NYAP2: variants seen among roughly 807,000 people sequenced by gnomAD.
NYAP2 encodes neuronal tyrosine-phosphorylated phosphoinositide-3-kinase adapter 2.
NYAP2 carries 23 observed loss-of-function variants against 50.4 expected under a neutral mutation model. The observed-to-expected ratio is 0.46, with a 90% confidence interval of 0.33 to 0.65. The LOEUF (loss-of-function observed/expected upper bound fraction) is 0.65, where lower values mean the gene tolerates loss of function less well. Among genes scored for constraint, NYAP2 ranks in the 30% least tolerant of loss-of-function variants. The pLI, the probability that NYAP2 is intolerant of heterozygous loss-of-function variation, is 0.02. For missense variants in NYAP2, 885 were observed against 861.0 expected, an observed-to-expected ratio of 1.03 and a Z score of -0.35; for synonymous variants, 394 against 365.2, an observed-to-expected ratio of 1.08 and a Z score of -0.90.
chr2:225,621,932 G>C (rs1693111269), intron 5 of NYAP2, among the ~76,000 whole-genome samples: 1 of 152,064 alleles, frequency 6.6e-6, no homozygotes, highest in Non-Finnish European at 1.5e-5. Flanking sequence ...ATGTTGTGTT[G>C]ACCCAGTCAT....
At chr2:225,685,217 T>A in the NYAP2 span, among the ~76,000 whole-genome samples, 2 of 152,204 alleles carry the variant, frequency 1.3e-5, no homozygotes, top group African/African-American at 4.8e-5. Context: ...TTTTGCTGGA[T>A]AAACCACATG....
At chr2:225,403,686 C>A (rs891328636) in intron 2 of NYAP2, among the ~76,000 whole-genome samples, 2 of 151,958 alleles carry the variant, frequency 1.3e-5, no homozygotes, top group South Asian at 4.2e-4. Context: ...TGGAGAATAG[C>A]TCCATATCAG....
At chr2:225,681,164 G>C in the NYAP2 span, among the ~76,000 whole-genome samples, 1 of 152,328 alleles carries the variant, frequency 6.6e-6, no homozygotes, top group East Asian at 1.9e-4. Flanking sequence ...GTTGGACAGA[G>C]CTGGGCTCCT....
chr2:225,570,852 T>C (rs559398643), intron 4 of NYAP2, among the ~76,000 whole-genome samples: 1 of 152,308 alleles, frequency 6.6e-6, no homozygotes, highest in South Asian at 2.1e-4. Flanking sequence ...GTCCAAAGTC[T>C]TATCTGAGAC....
chr2:225,588,272 A>G (rs1692422693), intron 5 of NYAP2, among the ~76,000 whole-genome samples: 1 of 152,146 alleles, frequency 6.6e-6, no homozygotes, highest in Non-Finnish European at 1.5e-5. Context: ...AAAATTATAG[A>G]TATAAATGAG....
At chr2:225,468,677 C>T (rs961259962) in intron 3 of NYAP2, among the ~76,000 whole-genome samples, 2 of 152,128 alleles carry the variant, frequency 1.3e-5, no homozygotes, top group Non-Finnish European at 2.9e-5. Context: ...AATTAACCTA[C>T]AGCAATACAC....
exon 7 of NYAP2, chr2:225,651,599 CCT>C: frequency 6.2e-7 from 1 of 1,612,294 alleles, no homozygotes; most frequent in Non-Finnish European, 8.5e-7. Flanking sequence ...ATGCTTCCCA[CCT>C]CTGTCTGTCC....
At chr2:225,465,105 G>A (rs1233385224) in intron 3 of NYAP2, among the ~76,000 whole-genome samples, 1 of 152,100 alleles carries the variant, frequency 6.6e-6, no homozygotes, top group East Asian at 1.9e-4. Context: ...CTGATATAAG[G>A]AAAATAGCAA....
intron 5 of NYAP2, among the ~76,000 whole-genome samples, chr2:225,621,093 G>T (rs1331062732): frequency 6.9e-6 from 1 of 144,150 alleles, no homozygotes; most frequent in Non-Finnish European, 1.5e-5. Flanking sequence ...CAGCCTGGGC[G>T]ACCAGCGAGA....
chr2:225,599,193 A>T (rs906407001), intron 5 of NYAP2, among the ~76,000 whole-genome samples: 1 of 152,198 alleles, frequency 6.6e-6, no homozygotes, highest in African/African-American at 2.4e-5. Context: ...GAATTGTGAG[A>T]TGCTGTGTCA....
downstream of NYAP2, among the ~76,000 whole-genome samples, chr2:225,658,941 T>G (rs1469115840): frequency 6.6e-6 from 1 of 152,218 alleles, no homozygotes; most frequent in Non-Finnish European, 1.5e-5. Flanking sequence ...AGCAGAATAT[T>G]TGTGGGTCAC....
intron 3 of NYAP2, among the ~76,000 whole-genome samples, chr2:225,422,364 T>C (rs1695228904): frequency 6.6e-6 from 1 of 152,206 alleles, no homozygotes; most frequent in Admixed American, 6.5e-5. Context: ...GGTAGATAAA[T>C]TGTTCTCTAA....
At chr2:225,675,639 T>C in the NYAP2 span, among the ~76,000 whole-genome samples, 1 of 152,148 alleles carries the variant, frequency 6.6e-6, no homozygotes, top group Non-Finnish European at 1.5e-5. Flanking sequence ...GAATGAATTG[T>C]TTTCCTGTGG....
intron 5 of NYAP2, among the ~76,000 whole-genome samples, chr2:225,597,090 A>T (rs1353492689): frequency 1.3e-5 from 2 of 152,122 alleles, no homozygotes; most frequent in African/African-American, 2.4e-5. Flanking sequence ...AAAACACAGG[A>T]GTCTAATGTC....
In NYAP2 at chr2:225,442,701, G is replaced by A. The variant is rs142443533; in HGVS notation, c.221+33600G>A. Reference sequence around the variant, plus strand: ...AGCAGTTCTCCTGTGTCAGGCTCCCGAGTAGCTGGGACTACAGGCACACAC... The same window carrying A: ...AGCAGTTCTCCTGTGTCAGGCTCCCAAGTAGCTGGGACTACAGGCACACAC... On this transcript the variant is annotated intron_variant, in intron 3 of 6. Coordinates refer to ENST00000636099, the Ensembl canonical transcript of NYAP2. Among the ~76,000 whole-genome samples, 852 of 152,084 alleles carry A rather than the reference G, an allele frequency of 5.6e-3. 7 individuals are homozygous for A. Among genetic ancestry groups the A allele is most frequent in the African/African-American group, 0.019 (777 of 41,482 alleles).
chr2:225,657,972 GTTTTCTTT>G (rs1371877782), downstream of NYAP2, among the ~76,000 whole-genome samples: 2 of 152,116 alleles, frequency 1.3e-5, no homozygotes, highest in Non-Finnish European at 2.9e-5. Context: ...GAACAAAAGT[GTTTTCTTT>G]TTTTCTTTTT....
At chr2:225,497,358 G>T (rs545686324) in intron 3 of NYAP2, among the ~76,000 whole-genome samples, 23 of 152,212 alleles carry the variant, frequency 1.5e-4, no homozygotes, top group Non-Finnish European at 2.6e-4. Flanking sequence ...ATAAGTATTT[G>T]GCTCTTAAGT....
At chr2:225,538,842 CTTTCTTTG>C (rs1342915824) in intron 4 of NYAP2, among the ~76,000 whole-genome samples, 1,353 of 49,470 alleles carry the variant, frequency 0.027, 49 homozygotes, top group African/African-American at 0.077. Context: ...TTCTTTCTTT[CTTTCTTTG>C]TTTTTATTAT....
At chr2:225,537,362 T>A (rs775208255) in intron 4 of NYAP2, among the ~76,000 whole-genome samples, 4 of 152,142 alleles carry the variant, frequency 2.6e-5, no homozygotes, top group Non-Finnish European at 4.4e-5. Context: ...GATAAAGACA[T>A]ACCCGAGACT....
Sources: gnomAD v4.1 joint callset for allele counts (sites outside exome capture counted in the v4.1 genomes callset) on GRCh38, gnomAD v4.1.1 for gene constraint, MANE v1.5 for transcripts, NCBI Gene and HGNC (gene_info 2026-07-23, HGNC 2026-07-21) for gene names.